Variants in WDFY4 observed in about 807,000 individuals in gnomAD.
WDFY4 encodes the protein WD repeat- and FYVE domain-containing protein 4.
Under a neutral mutation model 351.9 loss-of-function variants are expected in WDFY4, and 169 were observed. The ratio of observed to expected loss-of-function variants is 0.48; its 90% CI spans 0.42 to 0.55. The LOEUF (loss-of-function observed/expected upper bound fraction) is 0.55, where lower values mean the gene tolerates loss of function less well. WDFY4 is among the 20% of genes least tolerant of loss of function. The pLI, the probability that WDFY4 is intolerant of heterozygous loss-of-function variation, is 0.00. For synonymous variants in WDFY4, 1,622 were observed against 1,574.6 expected, an observed-to-expected ratio of 1.03 and a Z score of -0.71; for missense variants, 3,803 against 3,935.6, an observed-to-expected ratio of 0.97 and a Z score of 0.90.
At chr10:48,696,453 CAT>C (rs1188100559) in intron 1 of WDFY4, among the ~76,000 whole-genome samples, 1 of 152,264 alleles carries the variant, frequency 6.6e-6, no homozygotes, top group Non-Finnish European at 1.5e-5. Flanking sequence ...CGTGTCTCCA[CAT>C]TGTGTCCTCG....
intron 42 of WDFY4, among the ~76,000 whole-genome samples, chr10:48,876,233 A>G (rs2070002044): frequency 6.6e-6 from 1 of 152,248 alleles, no homozygotes; most frequent in Admixed American, 6.5e-5. Flanking sequence ...CGTGAGCAGC[A>G]GACACTTTCA....
intron 49 of WDFY4, among the ~76,000 whole-genome samples, chr10:48,945,391 A>T (rs1161879175): frequency 1.3e-5 from 2 of 152,148 alleles, no homozygotes; most frequent in East Asian, 3.8e-4. Flanking sequence ...AAAGAAAAGA[A>T]GGAGAGATAC....
At chr10:48,944,109 T>C (rs1248613062) in intron 49 of WDFY4, among the ~76,000 whole-genome samples, 1 of 152,130 alleles carries the variant, frequency 6.6e-6, no homozygotes, top group Non-Finnish European at 1.5e-5. Flanking sequence ...ACAGGTGAAG[T>C]GGGCCATGGA....
intron 12 of WDFY4, among the ~76,000 whole-genome samples, chr10:48,756,465 C>T (rs1353096587): frequency 1.3e-5 from 2 of 151,732 alleles, no homozygotes; most frequent in Non-Finnish European, 2.9e-5. Flanking sequence ...GTGACTAGTG[C>T]CAGTTTTTGG....
intron 47 of WDFY4, among the ~76,000 whole-genome samples, chr10:48,938,902 T>C (rs1202278758): frequency 6.6e-6 from 1 of 152,188 alleles, no homozygotes; most frequent in Non-Finnish European, 1.5e-5. Context: ...GTTGATGTGA[T>C]GTCCCCTGTA....
In WDFY4 at chr10:48,974,527, A is replaced by AAAAAAAAAAAAAACAAAACAAC; in HGVS notation, c.8929-333_8929-332insAAAAAAAAAAACAAAACAACAA. ...CAAAAAAAAAAAAAAAAAAAAAAAAAAACAACTCATGACATGAACTGCTCC... is the reference window on the plus strand; with the variant it reads ...CAAAAAAAAAAAAAAAAAAAAAAAAAAAAAAAAAAAAAACAAAACAACAACAACTCATGACATGAACTGCTCC... On this transcript the variant is annotated intron_variant, in intron 57 of 61. Coordinates refer to ENST00000325239, the MANE Select transcript of WDFY4 (RefSeq NM_001394531.1). Among the ~76,000 whole-genome samples, 56 of 23,192 alleles carry AAAAAAAAAAAAAACAAAACAAC rather than the reference A, an allele frequency of 2.4e-3. 6 individuals carry two copies. Among genetic ancestry groups the AAAAAAAAAAAAAACAAAACAAC allele is most frequent in the African/African-American group, 3.1e-3 (43 of 13,806 alleles). The allele number at this position is 23,192 out of a possible 152,430, so 15.2% of individuals were successfully genotyped here.
chr10:48,728,145 G>T (rs530875358), intron 7 of WDFY4, among the ~76,000 whole-genome samples: 6 of 152,330 alleles, frequency 3.9e-5, no homozygotes, highest in African/African-American at 1.4e-4. Flanking sequence ...CCCATGAGGC[G>T]CTTGCTTGCT....
chr10:48,721,465 C>G, intron 4 of WDFY4, 98 bp downstream of exon 4: 1 of 1,088,316 alleles, frequency 9.2e-7, no homozygotes. Flanking sequence ...GAGGGTCATT[C>G]GTTTCATAAA....
At chr10:48,899,885 G>A (rs547383890) in intron 45 of WDFY4, among the ~76,000 whole-genome samples, 1 of 152,162 alleles carries the variant, frequency 6.6e-6, no homozygotes, top group African/African-American at 2.4e-5. Context: ...TGACCCCCTG[G>A]CTCACCCATG....
intron 28 of WDFY4, 38 bp downstream of exon 28, chr10:48,807,996 A>G (rs2132891548): frequency 5.4e-6 from 8 of 1,485,352 alleles, no homozygotes; most frequent in Non-Finnish European, 7.2e-6. Context: ...GCAGGAGGTT[A>G]CCTCATACAG....
chr10:48,703,399 A>G (rs2063534634), intron 1 of WDFY4, among the ~76,000 whole-genome samples: 1 of 152,226 alleles, frequency 6.6e-6, no homozygotes, highest in African/African-American at 2.4e-5. Flanking sequence ...ATGGCCCATT[A>G]TGGAGATGGC....
intron 39 of WDFY4, among the ~76,000 whole-genome samples, chr10:48,839,913 TGTG>T (rs1410499906): frequency 4.6e-5 from 7 of 152,222 alleles, no homozygotes; most frequent in Non-Finnish European, 7.3e-5. Context: ...TTTTCTTAAT[TGTG>T]GTGGGCAATG....
intron 44 of WDFY4, among the ~76,000 whole-genome samples, chr10:48,892,173 C>A (rs150244596): frequency 1.2e-3 from 185 of 152,362 alleles, no homozygotes; most frequent in African/African-American, 4.1e-3. Context: ...TCCATATGCA[C>A]GGTGTGCCCC....
rs1048094034 is a variant in WDFY4 at position 48,729,439 on chromosome 10, G to A, written c.979G>A (p.Gly327Arg). ...CCTCATCTGTTCCCCCAGGTATGAT[G>A]GGCTGACCCAGAGCGAAGTGGACCC... Reference protein sequence around the residue: ...LLLKVLLRYDGLTQSEVDPHL... With the variant: ...LLLKVLLRYDRLTQSEVDPHL... Residue 327 changes from glycine to arginine, a missense_variant, in exon 8 of 62, where the codon GGG becomes AGG. Gly to Arg is a moderately radical substitution (Grantham distance 125). Coordinates refer to ENST00000325239, the MANE Select transcript of WDFY4 (RefSeq NM_001394531.1). 7.1e-6 allele frequency: 11 copies of A among 1,550,722 alleles called. No homozygotes were observed. Among genetic ancestry groups the A allele is most frequent in the African/African-American group, 2.7e-5 (2 of 73,018 alleles).
chr10:48,918,836 A>G (rs1386032071), intron 47 of WDFY4, among the ~76,000 whole-genome samples: 1 of 152,216 alleles, frequency 6.6e-6, no homozygotes, highest in Non-Finnish European at 1.5e-5. Context: ...GATTCTACCC[A>G]CTGGTTGCCA....
chr10:48,771,544 T>C (rs1171486531), intron 13 of WDFY4, among the ~76,000 whole-genome samples: 2 of 152,162 alleles, frequency 1.3e-5, no homozygotes, highest in African/African-American at 2.4e-5. Context: ...CCAGGAAATA[T>C]TCTCATCCCA....
intron 59 of WDFY4, among the ~76,000 whole-genome samples, chr10:48,977,405 C>T (rs987928291): frequency 1.3e-5 from 2 of 151,994 alleles, no homozygotes; most frequent in African/African-American, 4.8e-5. Context: ...ACCCATCCAT[C>T]TCTCTATCCA....
intron 21 of WDFY4, among the ~76,000 whole-genome samples, chr10:48,789,529 G>A (rs2066608642): frequency 1.3e-5 from 2 of 152,200 alleles, no homozygotes; most frequent in Non-Finnish European, 2.9e-5. Flanking sequence ...AGTCTGAGAA[G>A]GTGGCAGCCC....
At position 48,721,174 on chromosome 10, in the gene WDFY4, A is replaced by T. The variant is rs1487040198; in HGVS notation, c.350-87A>T. The T allele has an allele frequency of 3.9e-6, 5 of 1,286,356 alleles. No individual in the cohort carries two copies. The African/African-American group carries it at 4.4e-5, about 11-fold the overall frequency. 79.7% of individuals were successfully genotyped at this position (1,286,356 alleles called of 1,614,324 possible). A position where few individuals can be genotyped will look rare whatever the true frequency, so the allele number is the denominator to read the frequency against. On this transcript the variant is annotated intron_variant, in intron 3 of 61. Transcript: ENST00000325239. ...CAAAGTCCTCTACAGATGCTCAGGC[A>T]CATCTCCTGGGAAGAGGGGGCCCTG...
Sources: gnomAD v4.1 joint callset for allele counts (sites outside exome capture counted in the v4.1 genomes callset) on GRCh38, gnomAD v4.1.1 for gene constraint, MANE v1.5 for transcripts, NCBI Gene and HGNC (gene_info 2026-07-23, HGNC 2026-07-21) for gene names.